LINGO2: variants seen among roughly 807,000 people sequenced by gnomAD.
LINGO2 encodes the protein leucine-rich repeat and immunoglobulin-like domain-containing nogo receptor-interacting protein 2.
Under a neutral mutation model 30.6 loss-of-function variants are expected in LINGO2, and 14 were observed. The ratio of observed to expected loss-of-function variants is 0.46; its 90% CI spans 0.30 to 0.72. The LOEUF (loss-of-function observed/expected upper bound fraction) is 0.72. Ranked by LOEUF, LINGO2 falls within the 30% of genes least tolerant of loss-of-function variation. The pLI is 0.07. For missense variants in LINGO2, 729 were observed against 751.7 expected (o/e 0.97, Z 0.35); for synonymous variants, 317 against 288.5 (o/e 1.10, Z -1.00).
the LINGO2 span, among the ~76,000 whole-genome samples, chr9:29,065,971 T>C: frequency 6.6e-6 from 1 of 151,964 alleles, no homozygotes; most frequent in South Asian, 2.1e-4. Context: ...CAACAAAATA[T>C]TTAAGCAAAG....
the LINGO2 span, among the ~76,000 whole-genome samples, chr9:29,014,065 T>A: frequency 1.3e-5 from 2 of 152,018 alleles, no homozygotes; most frequent in Non-Finnish European, 2.9e-5. Flanking sequence ...AATCCATTCA[T>A]TTTTTTTCTG....
chr9:28,815,234 C>T, the LINGO2 span, among the ~76,000 whole-genome samples: 1 of 152,078 alleles, frequency 6.6e-6, no homozygotes, highest in Admixed American at 6.5e-5. Flanking sequence ...GAGCGAAATT[C>T]CTGAGAAGGA....
chr9:28,894,219 C>T, the LINGO2 span, among the ~76,000 whole-genome samples: 5 of 152,062 alleles, frequency 3.3e-5, no homozygotes, highest in Non-Finnish European at 4.4e-5. Context: ...CATACGTGTG[C>T]ATGTGTCTTT....
chr9:28,431,604 A>G (rs773946040), intron 2 of LINGO2, among the ~76,000 whole-genome samples: 2 of 152,192 alleles, frequency 1.3e-5, no homozygotes, highest in Non-Finnish European at 2.9e-5. Context: ...TAACTCATGT[A>G]TAAGTCTGGA....
At chr9:28,066,402 A>T (rs1288479320) in intron 4 of LINGO2, among the ~76,000 whole-genome samples, 1 of 152,142 alleles carries the variant, frequency 6.6e-6, no homozygotes, top group Non-Finnish European at 1.5e-5. Context: ...GGCACCAAAG[A>T]AATCACAGAA....
chr9:29,040,783 G>A, the LINGO2 span, among the ~76,000 whole-genome samples: 25 of 151,972 alleles, frequency 1.6e-4, 1 homozygote, highest in East Asian at 3.5e-3. Flanking sequence ...ATATCCAAGA[G>A]CAGAAATGTT....
intron 1 of LINGO2, among the ~76,000 whole-genome samples, chr9:28,590,709 G>A (rs79278214): frequency 0.044 from 6,710 of 152,176 alleles, 175 homozygotes; most frequent in African/African-American, 0.051. Flanking sequence ...CACTGTTGGC[G>A]GGACTGTAAA....
intron 5 of LINGO2, among the ~76,000 whole-genome samples, chr9:27,976,915 T>G (rs2118847200): frequency 6.6e-6 from 1 of 152,156 alleles, no homozygotes; most frequent in African/African-American, 2.4e-5. Context: ...TTGCAGAACT[T>G]TCTGTGTATT....
At chr9:29,168,033 T>C in the LINGO2 span, among the ~76,000 whole-genome samples, 1 of 152,138 alleles carries the variant, frequency 6.6e-6, no homozygotes, top group African/African-American at 2.4e-5. Context: ...TACATTGTTA[T>C]TGTTTTGAAG....
intron 5 of LINGO2, among the ~76,000 whole-genome samples, chr9:27,963,392 T>C (rs1297620239): frequency 1.3e-5 from 2 of 152,014 alleles, no homozygotes; most frequent in Non-Finnish European, 2.9e-5. Context: ...AGTGAAGAGA[T>C]TGGTAAAATG....
At chr9:29,135,001 C>A in the LINGO2 span, among the ~76,000 whole-genome samples, 1 of 151,906 alleles carries the variant, frequency 6.6e-6, no homozygotes, top group Non-Finnish European at 1.5e-5. Context: ...TTGATAGATT[C>A]TAATTTTTTT....
chr9:28,338,129 G>A (rs1184560233), intron 3 of LINGO2, among the ~76,000 whole-genome samples: 1 of 152,166 alleles, frequency 6.6e-6, no homozygotes, highest in Non-Finnish European at 1.5e-5. Context: ...AGCTGCCCAA[G>A]GCCATGGGCA....
intron 2 of LINGO2, among the ~76,000 whole-genome samples, chr9:28,405,341 G>A (rs1235986502): frequency 6.6e-6 from 1 of 152,104 alleles, no homozygotes; most frequent in African/African-American, 2.4e-5. Context: ...TTCAAAGAGA[G>A]TGCTCATTCT....
intron 1 of LINGO2, among the ~76,000 whole-genome samples, chr9:28,493,814 G>A (rs1217584308): frequency 6.6e-6 from 1 of 152,094 alleles, no homozygotes; most frequent in Non-Finnish European, 1.5e-5. Context: ...AAAAGCATGT[G>A]GAAGAACGTG....
At chr9:28,777,576 T>C in the LINGO2 span, among the ~76,000 whole-genome samples, 1,467 of 152,294 alleles carry the variant, frequency 9.6e-3, 33 homozygotes, top group African/African-American at 0.034. Flanking sequence ...GAAAGATATA[T>C]ATTGATTTCA....
At chr9:28,189,176 A>T (rs1819654190) in intron 4 of LINGO2, among the ~76,000 whole-genome samples, 1 of 151,404 alleles carries the variant, frequency 6.6e-6, no homozygotes, top group Non-Finnish European at 1.5e-5. Context: ...ATGAAAACAA[A>T]GATAGCCAGA....
intron 4 of LINGO2, among the ~76,000 whole-genome samples, chr9:28,209,353 C>T (rs1820514434): frequency 6.6e-6 from 1 of 151,826 alleles, no homozygotes. Context: ...ATCTGTCATG[C>T]ACATATAAAT....
the LINGO2 span, among the ~76,000 whole-genome samples, chr9:28,796,675 G>A: frequency 6.6e-6 from 1 of 151,914 alleles, no homozygotes; most frequent in Non-Finnish European, 1.5e-5. Flanking sequence ...GAGGACATGT[G>A]TTTCTTTAAG....
At chr9:28,338,755 G>A (rs1280094348) in intron 3 of LINGO2, among the ~76,000 whole-genome samples, 9 of 152,004 alleles carry the variant, frequency 5.9e-5, no homozygotes, top group Admixed American at 6.6e-5. Context: ...GAAGAAGGAC[G>A]TTCCTGCTTC....
Sources: gnomAD v4.1 joint callset for allele counts (sites outside exome capture counted in the v4.1 genomes callset) on GRCh38, gnomAD v4.1.1 for gene constraint, MANE v1.5 for transcripts, NCBI Gene and HGNC (gene_info 2026-07-23, HGNC 2026-07-21) for gene names.